The following HPSE2 variants were observed in gnomAD, a reference collection of about 807,000 sequenced individuals.
The protein encoded by HPSE2 is heparanase 2 (inactive).
In HPSE2, 38 loss-of-function variants were observed where a neutral mutation model predicts 60.5. The ratio of observed to expected loss-of-function variants is 0.63; its 90% confidence interval spans 0.48 to 0.82. The LOEUF (loss-of-function observed/expected upper bound fraction) is 0.82, where lower values mean the gene tolerates loss of function less well. Among genes scored for constraint, HPSE2 ranks in the 40% least tolerant of loss-of-function variants. The pLI is 0.00. For missense variants in HPSE2, 713 were observed against 740.4 expected (o/e 0.96, Z 0.43); for synonymous variants, 295 against 293.2 (o/e 1.01, Z -0.06).
At chr10:98,600,909 G>GTATATATATA (rs1397927513) in intron 9 of HPSE2, among the ~76,000 whole-genome samples, 4 of 88,496 alleles carry the variant, frequency 4.5e-5, no homozygotes, top group African/African-American at 2.3e-4. Flanking sequence ...ATATGTGTGT[G>GTATATATATA]TGTATATATA....
intron 2 of HPSE2, among the ~76,000 whole-genome samples, chr10:99,227,885 G>A (rs1425506931): frequency 2.7e-5 from 4 of 146,440 alleles, no homozygotes; most frequent in African/African-American, 7.4e-5. Flanking sequence ...GTGTGTGTGT[G>A]TGTGTGTGTA....
chr10:99,223,782 G>A (rs1849387353), intron 2 of HPSE2, among the ~76,000 whole-genome samples: 1 of 152,066 alleles, frequency 6.6e-6, no homozygotes, highest in Non-Finnish European at 1.5e-5. Context: ...GGACTAAATT[G>A]GAGTGCATAT....
intron 2 of HPSE2, among the ~76,000 whole-genome samples, chr10:99,217,147 C>T (rs1849155880): frequency 6.6e-6 from 1 of 151,556 alleles, no homozygotes; most frequent in Non-Finnish European, 1.5e-5. Context: ...TTGTTTCTGC[C>T]TTTCGGTGAA....
At chr10:98,753,027 C>T (rs1949794176) in intron 3 of HPSE2, among the ~76,000 whole-genome samples, 1 of 151,980 alleles carries the variant, frequency 6.6e-6, no homozygotes. Context: ...ATGGTGGATA[C>T]CAGATGCTGA....
In HPSE2 at chr10:98,739,781, T is replaced by C. The variant is rs562053868; in HGVS notation, c.784+4102A>G. ...AGTAGCTTTTACTTGCTTATAGAAA[T>C]GGGCAGATATATTTGGGAAGCACAT... is the stretch of plus-strand genomic sequence containing the variant. On this transcript the variant is annotated intron_variant, in intron 4 of 11. Coordinates refer to ENST00000370552, the MANE Select transcript of HPSE2 (RefSeq NM_021828.5). Among the ~76,000 whole-genome samples the C allele has an allele frequency of 2.6e-5, 4 of 152,312 alleles. No homozygotes were observed. The South Asian group carries it at 8.3e-4, about 32-fold the overall frequency.
intron 5 of HPSE2, among the ~76,000 whole-genome samples, chr10:98,701,610 T>C (rs1162238501): frequency 6.7e-6 from 1 of 150,200 alleles, no homozygotes; most frequent in African/African-American, 2.4e-5. Context: ...CTGCACATTG[T>C]GCACATGTAC....
chr10:98,650,531 A>G (rs1230858807), intron 6 of HPSE2, among the ~76,000 whole-genome samples: 1 of 152,222 alleles, frequency 6.6e-6, no homozygotes, highest in Non-Finnish European at 1.5e-5. Context: ...GAACTTACTT[A>G]CAATTCTAGT....
intron 3 of HPSE2, among the ~76,000 whole-genome samples, chr10:98,774,883 G>C (rs1019495806): frequency 6.6e-6 from 1 of 152,110 alleles, no homozygotes; most frequent in Admixed American, 6.5e-5. Flanking sequence ...TTTCCATTTT[G>C]TAGATATTCA....
intron 2 of HPSE2, among the ~76,000 whole-genome samples, chr10:99,216,549 TTGTC>T (rs1849136588): frequency 6.6e-6 from 1 of 152,304 alleles, no homozygotes; most frequent in South Asian, 2.1e-4. Flanking sequence ...AACAGTAAAT[TTGTC>T]TGGTGACACC....
chr10:98,823,349 T>C (rs1951466295), intron 3 of HPSE2, among the ~76,000 whole-genome samples: 1 of 152,226 alleles, frequency 6.6e-6, no homozygotes, highest in Non-Finnish European at 1.5e-5. Context: ...CCAGGCACAG[T>C]GGCTCACATC....
chr10:98,858,161 A>C (rs1193956329), intron 3 of HPSE2, among the ~76,000 whole-genome samples: 1 of 152,210 alleles, frequency 6.6e-6, no homozygotes, highest in Non-Finnish European at 1.5e-5. Flanking sequence ...ATGCTTGTTG[A>C]ATGTCTATGT....
intron 7 of HPSE2, among the ~76,000 whole-genome samples, chr10:98,636,067 C>T (rs913219137): frequency 1.1e-4 from 17 of 152,092 alleles, no homozygotes; most frequent in African/African-American, 4.1e-4. Flanking sequence ...GTGAACAAAT[C>T]CAAAATTACA....
chr10:99,301,473 C>A, the HPSE2 span, among the ~76,000 whole-genome samples: 2 of 152,156 alleles, frequency 1.3e-5, no homozygotes, highest in Non-Finnish European at 2.9e-5. Context: ...ACTTTGGTCC[C>A]AAGGACTTGC....
At chr10:99,178,321 G>A (rs569574618) in intron 2 of HPSE2, among the ~76,000 whole-genome samples, 14 of 151,956 alleles carry the variant, frequency 9.2e-5, no homozygotes, top group African/African-American at 3.4e-4. Flanking sequence ...AAAAATCAAT[G>A]AGTCCAGGAG....
intron 3 of HPSE2, among the ~76,000 whole-genome samples, chr10:98,959,869 G>T (rs1003648656): frequency 5.9e-5 from 9 of 152,092 alleles, no homozygotes; most frequent in Non-Finnish European, 1.2e-4. Flanking sequence ...TATGAAATAA[G>T]AGCAAGTATC....
At chr10:98,501,836 T>C (rs1942037509) in intron 9 of HPSE2, among the ~76,000 whole-genome samples, 10 of 152,086 alleles carry the variant, frequency 6.6e-5, no homozygotes, top group Admixed American at 6.6e-4. Context: ...ACTAATAAAA[T>C]AATTCAGCAA....
At chr10:98,569,067 T>A in intron 9 of HPSE2, among the ~76,000 whole-genome samples, 1 of 5,116 alleles carries the variant, frequency 2.0e-4, no homozygotes, top group African/African-American at 2.4e-4. Flanking sequence ...AAAAGTCTGA[T>A]TTTTTTTTTT....
At chr10:98,801,617 G>C (rs1283936193) in intron 3 of HPSE2, among the ~76,000 whole-genome samples, 1 of 151,628 alleles carries the variant, frequency 6.6e-6, no homozygotes, top group African/African-American at 2.4e-5. Flanking sequence ...AAATAAAATT[G>C]AATACCTAGA....
At chr10:98,941,419 A>T (rs1954996661) in intron 3 of HPSE2, among the ~76,000 whole-genome samples, 1 of 130,722 alleles carries the variant, frequency 7.6e-6, no homozygotes, top group Non-Finnish European at 1.6e-5. Context: ...AAAAATCACA[A>T]GCGTTCTTAT....
Sources: allele counts gnomAD v4.1 joint callset (sites outside exome capture counted in the v4.1 genomes callset), GRCh38; gene constraint gnomAD v4.1.1; transcripts MANE v1.5; gene names NCBI Gene and HGNC (gene_info 2026-07-23, HGNC 2026-07-21).